The following ZNF382 variants were observed in gnomAD, a reference collection of about 807,000 sequenced individuals.
ZNF382 encodes KRAB/zinc finger suppressor protein 1.
In ZNF382, 20 loss-of-function variants were observed where a neutral mutation model predicts 38.8. The ratio of observed to expected loss-of-function variants is 0.51; its 90% CI spans 0.36 to 0.75. ZNF382 has a LOEUF of 0.75. ZNF382 is among the 30% of genes least tolerant of loss of function. The pLI, the probability that ZNF382 is intolerant of heterozygous loss-of-function variation, is 0.00. For synonymous variants in ZNF382, 202 were observed against 223.1 expected, an observed-to-expected ratio of 0.91 and a Z score of 0.84; for missense variants, 546 against 654.1, an observed-to-expected ratio of 0.83 and a Z score of 1.80.
At chr19:36,613,793 G>A (rs917800512) in intron 4 of ZNF382, among the ~76,000 whole-genome samples, 2 of 152,056 alleles carry the variant, frequency 1.3e-5, no homozygotes, top group African/African-American at 4.8e-5. Flanking sequence ...TTTTGTTTAT[G>A]ATGTGAAGTA....
chr19:36,622,107 C>T lies in ZNF382; in HGVS notation c.233-4023C>T, dbSNP rs147028653. Among the ~76,000 whole-genome samples the T allele has an allele frequency of 2.2e-3, 330 of 151,916 alleles. 1 individual carries two copies. The highest frequency in any genetic ancestry group is 3.5e-3 in the Non-Finnish European group (237 of 67,982). ...CGTGATCTTGGCTCACTGCAACGTC[C>T]GCCTCCCAGGTTCAAGCGATTCTCA... On this transcript the variant is annotated intron_variant, in intron 4 of 4. Transcript: ENST00000292928.
At chr19:36,625,096 ATAT>A (rs2037200526) in intron 4 of ZNF382, among the ~76,000 whole-genome samples, 1 of 86,028 alleles carries the variant, frequency 1.2e-5, no homozygotes, top group African/African-American at 4.8e-5. Context: ...TTAAATATAT[ATAT>A]ATATATATAT....
chr19:36,626,054 CAT>C, intron 4 of ZNF382, 74 bp from the exon 5 acceptor site: 1 of 1,050,352 alleles, frequency 9.5e-7, no homozygotes, highest in Non-Finnish European at 1.3e-6. Flanking sequence ...ATAGTCCCAC[CAT>C]AGTTTGTCTG....
chr19:36,611,422 C>A (rs1048423352), intron 4 of ZNF382, among the ~76,000 whole-genome samples: 1 of 152,176 alleles, frequency 6.6e-6, no homozygotes, highest in Non-Finnish European at 1.5e-5. Context: ...TAGTATTTAT[C>A]CTTTTTCTGA....
At chr19:36,612,488 T>A (rs971070420) in intron 4 of ZNF382, among the ~76,000 whole-genome samples, 1 of 152,228 alleles carries the variant, frequency 6.6e-6, no homozygotes, top group Non-Finnish European at 1.5e-5. Context: ...TATCGCTGAT[T>A]CATAAGGCAG....
intron 1 of ZNF382, 39 bp from the exon 2 acceptor site, chr19:36,607,513 G>C: frequency 8.2e-7 from 1 of 1,220,390 alleles, no homozygotes; most frequent in African/African-American, 1.5e-5. Flanking sequence ...AGTCAAGTAT[G>C]GTCTCACATA....
intron 1 of ZNF382, chr19:36,605,705 C>T (rs568536521): frequency 6.6e-6 from 1 of 152,352 alleles, no homozygotes; most frequent in South Asian, 2.1e-4. Flanking sequence ...GGGGTGGCCT[C>T]CTGCGCCCAA....
At chr19:36,615,128 G>A (rs2037115871) in intron 4 of ZNF382, among the ~76,000 whole-genome samples, 1 of 151,544 alleles carries the variant, frequency 6.6e-6, no homozygotes, top group Non-Finnish European at 1.5e-5. Flanking sequence ...TGGGATGACA[G>A]GTGGGCACCA....
chr19:36,633,415 T>C lies in ZNF382; in HGVS notation c.*5865T>C, dbSNP rs2037266180. 7.0e-6 allele frequency: 1 copy of C among 143,696 alleles called. No individual in the cohort carries two copies. Among genetic ancestry groups the C allele is most frequent in the African/African-American group, 3.0e-5 (1 of 33,364 alleles). 8.9% of individuals were successfully genotyped at this position (143,696 alleles called of 1,614,324 possible). ...AGAATGTGGAACAACTGGAACTCTTTCTTTTTTAACTTTTGTTTTAGATTC... is the reference window on the plus strand; with the variant it reads ...AGAATGTGGAACAACTGGAACTCTTCCTTTTTTAACTTTTGTTTTAGATTC... On this transcript the variant is annotated 3_prime_UTR_variant, in exon 5 of 5. Coordinates refer to ENST00000292928, the MANE Select transcript of ZNF382 (RefSeq NM_032825.5).
At chr19:36,609,849 T>G in intron 2 of ZNF382, 53 bp from the exon 3 acceptor site, 1 of 1,486,638 alleles carries the variant, frequency 6.7e-7, no homozygotes, top group Non-Finnish European at 9.0e-7. Context: ...CAGTAAACAT[T>G]GTCAGTACTA....
intron 4 of ZNF382, among the ~76,000 whole-genome samples, chr19:36,612,387 C>G (rs1355363276): frequency 1.3e-5 from 2 of 152,158 alleles, no homozygotes; most frequent in Non-Finnish European, 2.9e-5. Flanking sequence ...TAGTTTAGAC[C>G]TATTATGAAC....
chr19:36,616,251 A>G (rs1444599177), intron 4 of ZNF382, among the ~76,000 whole-genome samples: 2 of 152,136 alleles, frequency 1.3e-5, no homozygotes, highest in African/African-American at 4.8e-5. Flanking sequence ...GTGCACCTGT[A>G]GATCCAGCTA....
intron 1 of ZNF382, among the ~76,000 whole-genome samples, chr19:36,606,302 A>G (rs529836168): frequency 2.2e-4 from 31 of 138,400 alleles, no homozygotes; most frequent in Non-Finnish European, 3.7e-4. Flanking sequence ...CATTGGGGAC[A>G]TGCAGGAAAT....
rs1254037128 is a variant in ZNF382, at chr19:36,631,537, A to C, written c.*3987A>C. ...TGAGTAGCTGGGACTACAGGTGCAC[A>C]CCACCAAACCCGGCTAATTTTTGTA... On this transcript the variant is annotated 3_prime_UTR_variant, in exon 5 of 5. Coordinates refer to ENST00000292928, the MANE Select transcript of ZNF382 (RefSeq NM_032825.5). The C allele has an allele frequency of 6.6e-6, 1 of 151,900 alleles. No homozygotes were observed. The highest frequency in any genetic ancestry group is 1.5e-5 in the Non-Finnish European group (1 of 68,068). The allele number at this position is 151,900 out of a possible 1,614,324, so 9.4% of individuals were successfully genotyped here. A position where few individuals can be genotyped will look rare whatever the true frequency, so the allele number is the denominator to read the frequency against.
chr19:36,625,118 A>ATATATATATATATATATATG (rs1215564671), intron 4 of ZNF382, among the ~76,000 whole-genome samples: 1 of 129,402 alleles, frequency 7.7e-6, no homozygotes, highest in Admixed American at 7.8e-5. Context: ...ATATATATAT[A>ATATATATATATATATATATG]TATATATATA....
rs764026281 is a variant in ZNF382, at chr19:36,610,673, A to G, written c.163A>G (p.Met55Val). Residue 55 changes from methionine to valine, a missense_variant, in exon 4 of 5, where the codon ATG (methionine) becomes GTG (valine). Coordinates refer to ENST00000292928, the MANE Select transcript of ZNF382 (RefSeq NM_032825.5). Reference protein sequence around the residue: ...SVGFHMAKPDMIRKLEQGEEL... With the variant: ...SVGFHMAKPDVIRKLEQGEEL... ...AGGGTTTCACATGGCTAAGCCTGAT[A>G]TGATCCGCAAGTTGGAACAAGGAGA... 39 of 1,613,292 alleles carry G rather than the reference A, an allele frequency of 2.4e-5. No individual in the cohort carries two copies. The highest frequency in any genetic ancestry group is 1.6e-4 in the Middle Eastern group (1 of 6,082).
chr19:36,626,298 G>A lies in ZNF382; in HGVS notation c.401G>A (p.Cys134Tyr). The change falls in exon 5 of 5, where the codon TGT becomes TAT. Residue 134 changes from cysteine to tyrosine, a missense_variant. Transcript: ENST00000292928. ...GKNRISKTILCEYKPDGKVLK... is the reference protein window; with the variant it reads ...GKNRISKTILYEYKPDGKVLK... ...AACCGTATTTCAAAAACAATACTAT[G>A]TGAATATAAACCTGATGGAAAAGTT... 6.3e-7 allele frequency: 1 copy of A among 1,598,930 alleles called. No homozygotes were observed. Among genetic ancestry groups the A allele is most frequent in the South Asian group, 1.1e-5 (1 of 87,546 alleles).
intron 4 of ZNF382, among the ~76,000 whole-genome samples, chr19:36,622,024 ATT>A (rs11379806): frequency 6.9e-6 from 1 of 145,548 alleles, no homozygotes. Context: ...AGGTTCGATA[ATT>A]TTTTTTTTTT....
chr19:36,607,459 T>G, intron 1 of ZNF382, 93 bp from the exon 2 acceptor site: 1 of 747,182 alleles, frequency 1.3e-6, no homozygotes, highest in Non-Finnish European at 2.2e-6. Flanking sequence ...GCTGAAATAG[T>G]GAACATTCAT....
Sources: allele counts gnomAD v4.1 joint callset (sites outside exome capture counted in the v4.1 genomes callset), GRCh38; gene constraint gnomAD v4.1.1; transcripts MANE v1.5; gene names NCBI Gene and HGNC (gene_info 2026-07-23, HGNC 2026-07-21).